Variants in XIRP2 observed in about 807,000 individuals in gnomAD.
XIRP2 encodes xin actin binding repeat containing 2, also known as xin actin-binding repeat-containing protein 2.
A neutral mutation model predicts 277.0 loss-of-function variants in XIRP2; 236 were observed. The observed-to-expected ratio is 0.85, with a 90% confidence interval of 0.77 to 0.95. The LOEUF (loss-of-function observed/expected upper bound fraction) is 0.95. Among genes scored for constraint, XIRP2 ranks in the 40% least tolerant of loss-of-function variants. The pLI is 0.00. For synonymous variants in XIRP2, 1,490 were observed against 1,416.5 expected (o/e 1.05, Z -1.17); for missense variants, 4,640 against 4,157.5 (o/e 1.12, Z -3.19).
chr2:167,001,496 G>A (rs1255755786), intron 2 of XIRP2, among the ~76,000 whole-genome samples: 1 of 151,986 alleles, frequency 6.6e-6, no homozygotes, highest in African/African-American at 2.4e-5. Flanking sequence ...CTTAAGCTCT[G>A]AACATATTAG....
intron 2 of XIRP2, among the ~76,000 whole-genome samples, chr2:166,923,842 A>T (rs983557512): frequency 6.6e-6 from 1 of 152,094 alleles, no homozygotes; most frequent in Non-Finnish European, 1.5e-5. Flanking sequence ...TTAAAGCAAC[A>T]CAGGATATCT....
chr2:166,890,737 C>T (rs191576695), intron 1 of XIRP2, among the ~76,000 whole-genome samples: 7 of 152,184 alleles, frequency 4.6e-5, no homozygotes, highest in South Asian at 4.1e-4. Context: ...TTGTCTGGTA[C>T]GCAGCCTGCT....
At chr2:166,974,200 CA>C (rs1686653185) in intron 2 of XIRP2, among the ~76,000 whole-genome samples, 1 of 152,028 alleles carries the variant, frequency 6.6e-6, no homozygotes, top group African/African-American at 2.4e-5. Context: ...TGGAAAGAGG[CA>C]AAGAGCTTCA....
In XIRP2 at chr2:167,247,920, C is replaced by G; in HGVS notation, c.6528C>G (p.Tyr2176Ter). 2 of 1,612,928 alleles carry G rather than the reference C, an allele frequency of 1.2e-6. No individual in the cohort carries two copies. The highest frequency in any genetic ancestry group is 1.7e-6 in the Non-Finnish European group (2 of 1,179,642). ...HPVSMPVGGT[Y>*]DLSGDFQKQT... The stretch of plus-strand genomic sequence containing the variant: ...TCAGCATGCCAGTTGGAGGAACTTA[C>G]GACCTTTCAGGGGACTTTCAGAAGC... The change falls in exon 9 of 11, where the codon TAC becomes TAG. Residue 2176 changes from tyrosine (Y) to a stop codon, truncating the protein, a stop_gained. Coordinates refer to ENST00000409195, the MANE Select transcript of XIRP2 (RefSeq NM_152381.6). LOFTEE classifies it high-confidence loss of function.
chr2:167,249,682 C>G lies in XIRP2; in HGVS notation c.8290C>G (p.Gln2764Glu), dbSNP rs1210455660. 6.2e-7 allele frequency: 1 copy of G among 1,613,378 alleles called. No homozygotes were observed. Among genetic ancestry groups the G allele is most frequent in the East Asian group, 2.2e-5 (1 of 44,802 alleles). Reference sequence around the variant, plus strand: ...AGCAAGCACTGAATGTAGTCATAAGCAATCTCTGGCTGAAAGACATTATCA... The same window carrying G: ...AGCAAGCACTGAATGTAGTCATAAGGAATCTCTGGCTGAAAGACATTATCA... ...TEASTECSHK[Q>E]SLAERHYQLP... Residue 2764 changes from glutamine to glutamate, a missense_variant, in exon 9 of 11, where the codon CAA becomes GAA. Transcript: ENST00000409195.
intron 3 of XIRP2, among the ~76,000 whole-genome samples, chr2:167,171,466 T>C (rs562407096): frequency 2.7e-4 from 41 of 152,314 alleles, no homozygotes; most frequent in Non-Finnish European, 4.7e-4. Flanking sequence ...TAGGAATTAC[T>C]AGTTTGCTAT....
At chr2:167,056,119 T>C (rs534381007) in intron 2 of XIRP2, among the ~76,000 whole-genome samples, 1 of 152,176 alleles carries the variant, frequency 6.6e-6, no homozygotes, top group South Asian at 2.1e-4. Context: ...AGCACAAACA[T>C]TACCTGGAAT....
At position 167,249,170 on chromosome 2, in the gene XIRP2, A is replaced by G. The variant is rs754384162; in HGVS notation, c.7778A>G (p.Asn2593Ser). 15 of 1,613,634 alleles carry G rather than the reference A, an allele frequency of 9.3e-6. No individual in the cohort carries two copies. Among genetic ancestry groups the G allele is most frequent in the African/African-American group, 8.0e-5 (6 of 74,882 alleles). ...AAGGAAATGCCATTACAAAAAACCA[A>G]TGAGGAGGTTTCCCTATCTGGAATT... ...VEKEMPLQKT[N>S]EEVSLSGIDS... is the part of the protein sequence containing the mutation. The change falls in exon 9 of 11, where the codon AAT (asparagine) becomes AGT (serine). Residue 2593 changes from asparagine (N) to serine (S), a missense_variant. Physicochemically the swap from Asn to Ser is conservative, Grantham distance 46. Coordinates refer to ENST00000409195, the MANE Select transcript of XIRP2 (RefSeq NM_152381.6).
chr2:166,964,493 A>G (rs976166173), intron 2 of XIRP2, among the ~76,000 whole-genome samples: 50 of 151,936 alleles, frequency 3.3e-4, no homozygotes, highest in African/African-American at 1.1e-3. Context: ...ATTACCGCAA[A>G]TAGGAGGCTG....
intron 2 of XIRP2, among the ~76,000 whole-genome samples, chr2:167,093,493 G>A (rs760721648): frequency 2.0e-5 from 3 of 151,894 alleles, no homozygotes; most frequent in Non-Finnish European, 4.4e-5. Flanking sequence ...ACAGGCCCCA[G>A]TGTGTGATGT....
chr2:167,052,901 A>G (rs1361599500), intron 2 of XIRP2, among the ~76,000 whole-genome samples: 1 of 152,192 alleles, frequency 6.6e-6, no homozygotes, highest in African/African-American at 2.4e-5. Flanking sequence ...TGTTAAATTC[A>G]AGCTTATTGA....
At chr2:166,933,542 T>A (rs1318753096) in intron 2 of XIRP2, among the ~76,000 whole-genome samples, 1 of 151,462 alleles carries the variant, frequency 6.6e-6, no homozygotes, top group Admixed American at 6.6e-5. Flanking sequence ...ATCGTGCCAC[T>A]GCACTCCAGC....
intron 2 of XIRP2, among the ~76,000 whole-genome samples, chr2:167,074,540 T>C (rs1426206421): frequency 4.6e-5 from 7 of 152,190 alleles, no homozygotes; most frequent in Non-Finnish European, 8.8e-5. Context: ...GAACATATTA[T>C]TGAAAGTCAG....
intron 3 of XIRP2, among the ~76,000 whole-genome samples, chr2:167,208,816 C>T (rs748857975): frequency 6.6e-6 from 1 of 152,074 alleles, no homozygotes; most frequent in Non-Finnish European, 1.5e-5. Flanking sequence ...GGATAACACA[C>T]AAAATAAAAT....
chr2:167,213,696 G>A (rs1306567613), intron 4 of XIRP2, among the ~76,000 whole-genome samples: 2 of 152,130 alleles, frequency 1.3e-5, no homozygotes, highest in Admixed American at 1.3e-4. Flanking sequence ...AAAGTCACAG[G>A]AACGGTCCCC....
intron 2 of XIRP2, among the ~76,000 whole-genome samples, chr2:167,115,448 T>G (rs1287762778): frequency 6.6e-6 from 1 of 152,118 alleles, no homozygotes; most frequent in Non-Finnish European, 1.5e-5. Flanking sequence ...GCTGCCAGAG[T>G]CCTTGTGCTT....
chr2:167,204,842 A>C (rs1025534580), intron 3 of XIRP2, among the ~76,000 whole-genome samples: 2 of 152,138 alleles, frequency 1.3e-5, no homozygotes, highest in Non-Finnish European at 2.9e-5. Flanking sequence ...ATGCTTATAA[A>C]GTCCATTTGA....
At position 167,239,947 on chromosome 2, in the gene XIRP2, T is replaced by C; in HGVS notation, c.951T>C (p.Asp317=). 1 of 1,602,156 alleles carries C rather than the reference T, an allele frequency of 6.2e-7. No homozygotes were observed. The highest frequency in any genetic ancestry group is 8.5e-7 in the Non-Finnish European group (1 of 1,177,068). ...EQEGSKVQKI[D]VHGTEMVSHL... ...AAGGGTCCAAAGTACAGAAAATTGA[T>C]GTTCATGGAACAGAAATGGTAACTA... Residue 317 remains aspartate, a synonymous_variant, in exon 6 of 11, where the codon GAT becomes GAC. Coordinates refer to ENST00000409195, the MANE Select transcript of XIRP2 (RefSeq NM_152381.6).
At chr2:167,194,448 T>A (rs1693441919) in intron 3 of XIRP2, among the ~76,000 whole-genome samples, 1 of 152,186 alleles carries the variant, frequency 6.6e-6, no homozygotes, top group African/African-American at 2.4e-5. Flanking sequence ...TTTTTCTCTT[T>A]CTCCCTTTCC....
Sources: allele counts gnomAD v4.1 joint callset (sites outside exome capture counted in the v4.1 genomes callset), GRCh38; gene constraint gnomAD v4.1.1; transcripts MANE v1.5; gene names NCBI Gene and HGNC (gene_info 2026-07-23, HGNC 2026-07-21).